NARS2: variants seen among roughly 807,000 people sequenced by gnomAD.
NARS2 encodes asparaginyl-tRNA synthetase.
Under a neutral mutation model 62.9 loss-of-function variants are expected in NARS2, and 60 were observed. That is an observed-to-expected ratio of 0.95 (90% CI 0.77 to 1.18). NARS2 has a LOEUF of 1.18. Ranked by LOEUF, NARS2 falls within the 50% of genes most tolerant of loss-of-function variation. The probability of loss-of-function intolerance (pLI) is 0.00; values close to 1 mark genes in which losing one functional copy is unlikely to be tolerated. For missense variants in NARS2, 619 were observed against 576.4 expected, an observed-to-expected ratio of 1.07 and a Z score of -0.76; for synonymous variants, 196 against 200.0, an observed-to-expected ratio of 0.98 and a Z score of 0.17.
rs946962439 is a variant in NARS2, at chr11:78,478,658, G to A, written c.848C>T (p.Thr283Ile). ...MQVIEELFKA[T>I]TMMVLSKCPE... ...ACATTTTGAGAGAACCATCATTGTT[G>A]TAGCCTTGAACAGTTCCTCTATAAC... The change falls in exon 8 of 14, where the codon ACA (threonine) becomes ATA (isoleucine). Residue 283 changes from threonine (T) to isoleucine (I), a missense_variant. Coordinates refer to ENST00000281038, the MANE Select transcript of NARS2 (RefSeq NM_024678.6). 1 of 1,611,224 alleles carries A rather than the reference G, an allele frequency of 6.2e-7. No individual in the cohort carries two copies.
Position 78,563,845 on chromosome 11 carries a change from A to T in NARS2, c.513+2287T>A, listed in dbSNP as rs1226559947. 4.0e-3 allele frequency among the ~76,000 whole-genome samples: 261 copies of T among 65,566 alleles called. 6 individuals carry two copies. Among genetic ancestry groups the T allele is most frequent in the African/African-American group, 0.019 (245 of 12,864 alleles). 43.0% of individuals were successfully genotyped at this position (65,566 alleles called of 152,430 possible). ...ACTCTGTATCAAAAAAAAAAAAAAA[A>T]AAAAAAATATATATATATATATATG... is the stretch of plus-strand genomic sequence containing the variant. On this transcript the variant is annotated intron_variant, in intron 4 of 13. Transcript: ENST00000281038.
chr11:78,569,504 G>C (rs1227494530), intron 2 of NARS2, among the ~76,000 whole-genome samples: 1 of 152,202 alleles, frequency 6.6e-6, no homozygotes, highest in Non-Finnish European at 1.5e-5. Context: ...ATGACAATAA[G>C]TGCCTTCCTA....
chr11:78,486,993 C>G (rs911742291), intron 7 of NARS2, among the ~76,000 whole-genome samples: 1 of 151,742 alleles, frequency 6.6e-6, no homozygotes, highest in Non-Finnish European at 1.5e-5. Context: ...ATAATGAAGA[C>G]AAAAGAAGAA....
At chr11:78,531,653 T>C (rs1224176379) in intron 5 of NARS2, among the ~76,000 whole-genome samples, 1 of 152,174 alleles carries the variant, frequency 6.6e-6, no homozygotes, top group Non-Finnish European at 1.5e-5. Context: ...GATATATACA[T>C]AGAATGGAAT....
intron 6 of NARS2, among the ~76,000 whole-genome samples, chr11:78,499,276 T>A (rs1469837013): frequency 1.3e-5 from 2 of 152,078 alleles, no homozygotes; most frequent in African/African-American, 4.8e-5. Context: ...AATAAGTAAT[T>A]CTTCTTCTAT....
At chr11:78,519,877 T>C (rs1249822115) in intron 6 of NARS2, among the ~76,000 whole-genome samples, 1 of 152,026 alleles carries the variant, frequency 6.6e-6, no homozygotes, top group Non-Finnish European at 1.5e-5. Flanking sequence ...ATTTTTTTAG[T>C]AGAGACGGGG....
Position 78,557,828 on chromosome 11 carries a change from ATATC to A in NARS2, c.594+1707_594+1710del, listed in dbSNP as rs1480020556. On this transcript the variant is annotated intron_variant, in intron 5 of 13. Transcript: ENST00000281038. ...CATATATATCTTATATTATATATAT[ATATC>A]TCTCTTATATTTTATATATATACAA... is the stretch of plus-strand genomic sequence containing the variant. 6.8e-5 allele frequency among the ~76,000 whole-genome samples: 10 copies of A among 146,798 alleles called. 1 individual carries two copies. The East Asian group carries it at 1.2e-3, about 17-fold the overall frequency.
intron 11 of NARS2, among the ~76,000 whole-genome samples, chr11:78,462,470 A>T (rs1211317524): frequency 7.9e-5 from 12 of 152,228 alleles, no homozygotes; most frequent in Admixed American, 3.3e-4. Context: ...GCTAAAAAGT[A>T]ATTTTATATT....
chr11:78,551,545 T>C (rs1856114799), intron 5 of NARS2, among the ~76,000 whole-genome samples: 2 of 152,154 alleles, frequency 1.3e-5, no homozygotes, highest in Non-Finnish European at 2.9e-5. Context: ...TCCAATAAAA[T>C]AGTTTTTTAA....
At chr11:78,563,406 CG>C (rs1173700877) in intron 4 of NARS2, among the ~76,000 whole-genome samples, 1 of 151,588 alleles carries the variant, frequency 6.6e-6, no homozygotes, top group Non-Finnish European at 1.5e-5. Context: ...TTAGTAGACA[CG>C]GGGTATCACC....
intron 5 of NARS2, among the ~76,000 whole-genome samples, chr11:78,532,388 T>C (rs984490147): frequency 3.9e-5 from 6 of 152,086 alleles, no homozygotes; most frequent in Admixed American, 2.6e-4. Flanking sequence ...CGCCAAGTGA[T>C]TAATGGACAG....
chr11:78,538,255 T>A (rs770986820), intron 5 of NARS2, among the ~76,000 whole-genome samples: 1 of 152,176 alleles, frequency 6.6e-6, no homozygotes, highest in African/African-American at 2.4e-5. Flanking sequence ...GCCTTCTTAC[T>A]GCTAATAGCC....
intron 4 of NARS2, among the ~76,000 whole-genome samples, chr11:78,562,901 A>T (rs866314903): frequency 3.3e-5 from 5 of 152,126 alleles, no homozygotes; most frequent in South Asian, 2.1e-4. Context: ...ACTTACGAAA[A>T]TTTTTTATTT....
Position 78,443,676 on chromosome 11 carries a change from T to C in NARS2, c.1247A>G (p.Glu416Gly). ...TGACCAGTACCTGGCTAAGCGCTCC[T>C]CTAAGAAATGGTATCGTTCTTCTCT... ...GLREERYHFL[E>G]ERLARSGLTE... Residue 416 changes from glutamate to glycine, a missense_variant, in exon 12 of 14, where the codon GAG becomes GGG. Physicochemically the swap from Glu to Gly is moderately conservative, Grantham distance 98 (BLOSUM62 -2). Coordinates refer to ENST00000281038, the MANE Select transcript of NARS2 (RefSeq NM_024678.6). 6.2e-7 allele frequency: 1 copy of C among 1,612,926 alleles called. No homozygotes were observed. Among genetic ancestry groups the C allele is most frequent in the Non-Finnish European group, 8.5e-7 (1 of 1,179,060 alleles).
intron 13 of NARS2, among the ~76,000 whole-genome samples, chr11:78,438,127 C>T (rs1178672511): frequency 6.6e-6 from 1 of 152,094 alleles, no homozygotes; most frequent in Non-Finnish European, 1.5e-5. Context: ...GTCCATCAAC[C>T]TATTTCCCCA....
At chr11:78,543,045 G>C (rs1431657286) in intron 5 of NARS2, among the ~76,000 whole-genome samples, 2 of 152,170 alleles carry the variant, frequency 1.3e-5, no homozygotes, top group Non-Finnish European at 2.9e-5. Context: ...AAGTACGGTG[G>C]TGGGTGCCTG....
intron 5 of NARS2, among the ~76,000 whole-genome samples, chr11:78,544,496 T>C (rs1461156558): frequency 6.6e-6 from 1 of 152,124 alleles, no homozygotes; most frequent in Non-Finnish European, 1.5e-5. Context: ...GGAACTCTTA[T>C]CAAGAATGAG....
At chr11:78,568,227 GATTT>G (rs1323394747) in intron 3 of NARS2, among the ~76,000 whole-genome samples, 1 of 152,140 alleles carries the variant, frequency 6.6e-6, no homozygotes, top group Non-Finnish European at 1.5e-5. Flanking sequence ...TGAGGAACTG[GATTT>G]TTTTAATGAA....
intron 11 of NARS2, among the ~76,000 whole-genome samples, chr11:78,457,797 AACACAC>A (rs10556136): frequency 1.1e-3 from 170 of 148,534 alleles, no homozygotes; most frequent in Middle Eastern, 7.0e-3. Context: ...ATTATGTAAC[AACACAC>A]ACACACACAC....
Sources: gnomAD v4.1 joint callset for allele counts (sites outside exome capture counted in the v4.1 genomes callset) on GRCh38, gnomAD v4.1.1 for gene constraint, MANE v1.5 for transcripts, NCBI Gene and HGNC (gene_info 2026-07-23, HGNC 2026-07-21) for gene names.